PCDHA10: variants seen among roughly 807,000 people sequenced by gnomAD.
PCDHA10 encodes the protein protocadherin alpha-10.
A neutral mutation model predicts 61.2 loss-of-function variants in PCDHA10; 45 were observed. That is an observed-to-expected ratio of 0.74 (90% CI 0.58 to 0.94). The LOEUF is 0.94. Ranked by LOEUF, PCDHA10 falls within the 40% of genes least tolerant of loss-of-function variation. PCDHA10 has a pLI of 0.00. For missense variants in PCDHA10, 1,278 were observed against 1,236.2 expected, an observed-to-expected ratio of 1.03 and a Z score of -0.51; for synonymous variants, 602 against 548.8, an observed-to-expected ratio of 1.10 and a Z score of -1.35.
In PCDHA10 at chr5:141,010,237, G is replaced by C; in HGVS notation, c.*300G>C. 2.6e-6 allele frequency: 4 copies of C among 1,551,914 alleles called. No individual in the cohort carries two copies. The highest frequency in any genetic ancestry group is 3.5e-6 in the Non-Finnish European group (4 of 1,147,042). On this transcript the variant is annotated 3_prime_UTR_variant, in exon 4 of 4. Coordinates refer to ENST00000307360, the MANE Select transcript of PCDHA10 (RefSeq NM_018901.4). ...AGAGGCTTCCCAGCCCCGCCAGTGA[G>C]AGGTTGGACTCTCTGCCCTGTGCTC...
At position 141,009,895 on chromosome 5, in the gene PCDHA10, A is replaced by G; in HGVS notation, c.2805A>G (p.Lys935=). ...AGAAGGGTAACAAGACCCAGGAGAA[A>G]AAAGAGAAAGGGAACAGCACGACTG... ...KKKKGNKTQE[K]KEKGNSTTDN... The change falls in exon 4 of 4, where the codon AAA becomes AAG. Residue 935 remains lysine (K), a synonymous_variant. Coordinates refer to ENST00000307360, the MANE Select transcript of PCDHA10 (RefSeq NM_018901.4). 2 of 1,613,224 alleles carry G rather than the reference A, an allele frequency of 1.2e-6. No homozygotes were observed. Among genetic ancestry groups the G allele is most frequent in the Non-Finnish European group, 1.7e-6 (2 of 1,179,866 alleles).
rs1554178015 is a variant in PCDHA10 at position 140,883,392 on chromosome 5, C to A, written c.2388+24956C>A. 1.9e-6 allele frequency: 3 copies of A among 1,614,184 alleles called. No individual in the cohort carries two copies. The East Asian group carries it at 6.7e-5, about 36-fold the overall frequency. ...GCCATTATTGCCCTAATCAGTGTGT[C>A]CGATCGTGACTCTGGCTCAAATGGA... is the stretch of plus-strand genomic sequence containing the variant. On this transcript the variant is annotated intron_variant, in intron 1 of 3. Transcript: ENST00000307360.
intron 1 of PCDHA10, among the ~76,000 whole-genome samples, chr5:140,958,548 A>C (rs185504563): frequency 6.6e-6 from 1 of 152,180 alleles, no homozygotes; most frequent in African/African-American, 2.4e-5. Context: ...TTATGAACCA[A>C]TAAATGTTTC....
chr5:140,929,352 C>T (rs782815841), intron 1 of PCDHA10: 8 of 1,526,758 alleles, frequency 5.2e-6, no homozygotes, highest in Admixed American at 2.1e-5. Flanking sequence ...GAATTTGATT[C>T]CTTTGGCCCG....
intron 1 of PCDHA10, chr5:140,875,972 T>G: frequency 6.2e-7 from 1 of 1,614,068 alleles, no homozygotes; most frequent in Non-Finnish European, 8.5e-7. Context: ...GTAAACTCTC[T>G]TTTGACCTAT....
At chr5:140,914,802 T>C (rs2076849351) in intron 1 of PCDHA10, among the ~76,000 whole-genome samples, 1 of 152,202 alleles carries the variant, frequency 6.6e-6, no homozygotes, top group African/African-American at 2.4e-5. Flanking sequence ...TTTAAACTGA[T>C]GGCAACTTAA....
chr5:140,981,687 ATCAT>A (rs200213847), intron 2 of PCDHA10, among the ~76,000 whole-genome samples: 197 of 152,078 alleles, frequency 1.3e-3, no homozygotes, highest in African/African-American at 4.2e-3. Context: ...CCTCCCTTCC[ATCAT>A]TCATTCATTC....
chr5:140,954,441 G>A (rs1411694581), intron 1 of PCDHA10, among the ~76,000 whole-genome samples: 2 of 151,498 alleles, frequency 1.3e-5, no homozygotes, highest in Non-Finnish European at 3.0e-5. Flanking sequence ...TGTTGTTTCT[G>A]GACTTGTTAA....
In PCDHA10 at chr5:140,857,535, G is replaced by A. The variant is rs1413308998; in HGVS notation, c.1487G>A (p.Arg496Gln). ...NALVSYSLVE[R>Q]RLGERSLSSY... is the part of the protein sequence containing the mutation. ...CTGGTGTCCTACTCTCTGGTGGAGC[G>A]GCGGTTGGGCGAGCGCTCGCTGTCG... The change falls in exon 1 of 4, where the codon CGG becomes CAG. Residue 496 changes from arginine to glutamine, a missense_variant. Coordinates refer to ENST00000307360, the MANE Select transcript of PCDHA10 (RefSeq NM_018901.4). The A allele has an allele frequency of 1.9e-6, 3 of 1,597,418 alleles. No homozygotes were observed. The highest frequency in any genetic ancestry group is 2.6e-6 in the Non-Finnish European group (3 of 1,167,722).
chr5:140,929,167 T>G (rs781804558), intron 1 of PCDHA10: 2 of 1,614,144 alleles, frequency 1.2e-6, no homozygotes, highest in Non-Finnish European at 1.7e-6. Context: ...CTATCGGGCC[T>G]CTCTGGGACT....
intron 1 of PCDHA10, among the ~76,000 whole-genome samples, chr5:140,942,962 A>G (rs2153660638): frequency 6.6e-6 from 1 of 152,216 alleles, no homozygotes; most frequent in South Asian, 2.1e-4. Flanking sequence ...CTGTTATCAG[A>G]ATTAAATTTT....
At chr5:140,882,492 T>C (rs782572325) in intron 1 of PCDHA10, 1 of 1,614,090 alleles carries the variant, frequency 6.2e-7, no homozygotes, top group South Asian at 1.1e-5. Flanking sequence ...GGGGACCTTC[T>C]GGAGGTAAAT....
At chr5:140,950,083 T>C (rs1361884165) in intron 1 of PCDHA10, among the ~76,000 whole-genome samples, 1 of 152,002 alleles carries the variant, frequency 6.6e-6, no homozygotes, top group Non-Finnish European at 1.5e-5. Context: ...GCTTATGCTA[T>C]AGTTTTCATT....
At chr5:140,900,439 G>A (rs1348507716) in intron 1 of PCDHA10, among the ~76,000 whole-genome samples, 1 of 152,242 alleles carries the variant, frequency 6.6e-6, no homozygotes, top group East Asian at 1.9e-4. Context: ...CACCACGGCC[G>A]GCTAATTTTT....
chr5:140,963,717 T>C (rs2095787814), intron 1 of PCDHA10, among the ~76,000 whole-genome samples: 1 of 152,256 alleles, frequency 6.6e-6, no homozygotes, highest in Admixed American at 6.5e-5. Context: ...ATGCTACATA[T>C]AGACTGCCAA....
chr5:140,891,270 C>T (rs1049558993), intron 1 of PCDHA10, among the ~76,000 whole-genome samples: 1 of 151,570 alleles, frequency 6.6e-6, no homozygotes, highest in East Asian at 1.9e-4. Context: ...TTAATTTTTC[C>T]GTAAGTTATT....
At chr5:140,884,634 G>A in intron 1 of PCDHA10, 1 of 1,612,414 alleles carries the variant, frequency 6.2e-7, no homozygotes, top group Non-Finnish European at 8.5e-7. Context: ...ACAGGCCAGA[G>A]GGAGGAGGAC....
intron 1 of PCDHA10, among the ~76,000 whole-genome samples, chr5:140,892,982 A>G (rs1430280813): frequency 2.0e-5 from 3 of 152,238 alleles, no homozygotes; most frequent in Non-Finnish European, 4.4e-5. Context: ...TAGCTGCCGT[A>G]TAAGTGAGAA....
At chr5:140,975,003 A>G (rs1170426656) in intron 1 of PCDHA10, among the ~76,000 whole-genome samples, 3 of 152,152 alleles carry the variant, frequency 2.0e-5, no homozygotes, top group Non-Finnish European at 4.4e-5. Flanking sequence ...CAAGGCTGAA[A>G]TGAACACAGC....
Sources: allele counts gnomAD v4.1 joint callset (sites outside exome capture counted in the v4.1 genomes callset), GRCh38; gene constraint gnomAD v4.1.1; transcripts MANE v1.5; gene names NCBI Gene and HGNC (gene_info 2026-07-23, HGNC 2026-07-21).